Variants in EPM2A observed in about 807,000 individuals in gnomAD.
The protein encoded by EPM2A is EPM2A glucan phosphatase, laforin.
EPM2A carries 21 observed loss-of-function variants against 26.5 expected under a neutral mutation model. The observed-to-expected ratio is 0.79, with a 90% CI of 0.56 to 1.14. EPM2A has a LOEUF of 1.14. Ranked by LOEUF, EPM2A falls within the 50% of genes most tolerant of loss-of-function variation. The pLI is 0.00. For synonymous variants in EPM2A, 217 were observed against 177.6 expected, an observed-to-expected ratio of 1.22 and a Z score of -1.76; for missense variants, 458 against 440.8, an observed-to-expected ratio of 1.04 and a Z score of -0.35.
At chr6:145,623,273 A>C, downstream of EPM2A, among the ~76,000 whole-genome samples, 1 of 152,244 alleles carries the variant, frequency 6.6e-6, no homozygotes, top group East Asian at 1.9e-4. Flanking sequence ...GTAGGCCATT[A>C]ATAAGTTCTA....
At chr6:145,594,842 G>A (rs1467152256) in intron 2 of EPM2A, among the ~76,000 whole-genome samples, 3 of 151,564 alleles carry the variant, frequency 2.0e-5, no homozygotes, top group Admixed American at 1.3e-4. Context: ...GAATTACCAT[G>A]TTTAATTTCC....
intron 2 of EPM2A, among the ~76,000 whole-genome samples, chr6:145,558,723 G>A (rs1362607939): frequency 6.7e-6 from 1 of 150,212 alleles, no homozygotes; most frequent in African/African-American, 2.5e-5. Context: ...GCCAATTTTT[G>A]ATCAGAATTT....
At chr6:145,724,357 AC>A (rs1444358449) in intron 1 of EPM2A, among the ~76,000 whole-genome samples, 1 of 152,058 alleles carries the variant, frequency 6.6e-6, no homozygotes. Context: ...CATACCAAAA[AC>A]CCTTATGTAT....
At chr6:145,558,679 C>G (rs185614629) in intron 2 of EPM2A, among the ~76,000 whole-genome samples, 1 of 151,914 alleles carries the variant, frequency 6.6e-6, no homozygotes, top group Admixed American at 6.6e-5. Flanking sequence ...GCCATTTGTA[C>G]GTGCTTTTCG....
At chr6:145,451,276 T>C (rs1300742779) in intron 4 of EPM2A, among the ~76,000 whole-genome samples, 1 of 152,208 alleles carries the variant, frequency 6.6e-6, no homozygotes, top group Non-Finnish European at 1.5e-5. Flanking sequence ...CTGTATTACT[T>C]GCTGCATCAC....
At chr6:145,462,713 C>CAA (rs1352063361) in intron 4 of EPM2A, among the ~76,000 whole-genome samples, 1 of 152,150 alleles carries the variant, frequency 6.6e-6, no homozygotes, top group Non-Finnish European at 1.5e-5. Context: ...TTACTTGCCA[C>CAA]AAGCATGTAC....
intron 2 of EPM2A, among the ~76,000 whole-genome samples, chr6:145,530,341 T>A (rs1780336594): frequency 6.6e-6 from 1 of 152,216 alleles, no homozygotes; most frequent in Non-Finnish European, 1.5e-5. Flanking sequence ...GTTTTAAAGT[T>A]TATTAACGAA....
At chr6:145,490,125 C>T (rs1175274030) in intron 4 of EPM2A, 1 of 1,163,100 alleles carries the variant, frequency 8.6e-7, no homozygotes, top group Non-Finnish European at 1.2e-6. Flanking sequence ...ATTGATATGT[C>T]ACAGGTTCAG....
intron 2 of EPM2A, among the ~76,000 whole-genome samples, chr6:145,525,439 G>A (rs117316270): frequency 2.6e-5 from 4 of 152,078 alleles, no homozygotes; most frequent in Non-Finnish European, 5.9e-5. Context: ...CCATGAGCAT[G>A]GAATGTTTTT....
intron 2 of EPM2A, among the ~76,000 whole-genome samples, chr6:145,613,367 G>C (rs892634509): frequency 3.9e-5 from 6 of 151,986 alleles, no homozygotes; most frequent in African/African-American, 7.3e-5. Flanking sequence ...ATCCCTCAAA[G>C]TCATTCAGGA....
At chr6:145,640,270 T>G (rs1409727474) in intron 2 of EPM2A, 1 of 152,186 alleles carries the variant, frequency 6.6e-6, no homozygotes, top group Non-Finnish European at 1.5e-5. Flanking sequence ...CAAAAGGTAT[T>G]GGGAGACAAG....
At chr6:145,580,909 C>A (rs536778589) in intron 2 of EPM2A, among the ~76,000 whole-genome samples, 6 of 152,266 alleles carry the variant, frequency 3.9e-5, no homozygotes, top group East Asian at 1.9e-4. Flanking sequence ...TTTCTTTATC[C>A]AGACTACCAT....
At chr6:145,408,782 A>T (rs1050493624) in intron 4 of EPM2A, among the ~76,000 whole-genome samples, 1 of 152,158 alleles carries the variant, frequency 6.6e-6, no homozygotes, top group Non-Finnish European at 1.5e-5. Context: ...GGGAAGTCCA[A>T]GATCAAGGCA....
chr6:145,442,879 G>C (rs1419638980), intron 4 of EPM2A, among the ~76,000 whole-genome samples: 1 of 134,592 alleles, frequency 7.4e-6, no homozygotes. Flanking sequence ...TTTTTTTTTT[G>C]AGATGGTGTC....
chr6:145,629,056 C>T (rs1776046146), intron 3 of EPM2A: 1 of 152,284 alleles, frequency 6.6e-6, no homozygotes, highest in South Asian at 2.1e-4. Context: ...CACATGGAAG[C>T]CAGGATAATA....
intron 2 of EPM2A, among the ~76,000 whole-genome samples, chr6:145,678,476 G>A (rs1047252083): frequency 2.0e-5 from 3 of 152,126 alleles, no homozygotes; most frequent in Admixed American, 2.0e-4. Flanking sequence ...TACAGAATGG[G>A]AGAAAATTTT....
At chr6:145,417,265 A>G (rs1432233562) in intron 4 of EPM2A, among the ~76,000 whole-genome samples, 2 of 152,142 alleles carry the variant, frequency 1.3e-5, no homozygotes, top group Non-Finnish European at 1.5e-5. Context: ...ACCAAATCCT[A>G]CAGAAGTCTG....
At chr6:145,443,644 G>T (rs971287118) in intron 4 of EPM2A, among the ~76,000 whole-genome samples, 1 of 152,192 alleles carries the variant, frequency 6.6e-6, no homozygotes, top group African/African-American at 2.4e-5. Flanking sequence ...AGACTATGGG[G>T]TTTTTTTAGA....
intron 2 of EPM2A, among the ~76,000 whole-genome samples, chr6:145,540,868 A>T (rs1310406954): frequency 6.6e-6 from 1 of 152,202 alleles, no homozygotes; most frequent in Non-Finnish European, 1.5e-5. Context: ...AGGATGTATT[A>T]AAATATTGAG....
Sources: allele counts gnomAD v4.1 joint callset (sites outside exome capture counted in the v4.1 genomes callset), GRCh38; gene constraint gnomAD v4.1.1; transcripts MANE v1.5; gene names NCBI Gene and HGNC (gene_info 2026-07-23, HGNC 2026-07-21).